TENM3: variants seen among roughly 807,000 people sequenced by gnomAD.
TENM3 encodes the protein teneurin transmembrane protein 3.
A neutral mutation model predicts 255.1 loss-of-function variants in TENM3; 63 were observed. The observed-to-expected ratio is 0.25, with a 90% CI of 0.20 to 0.30. TENM3 has a LOEUF of 0.30. Among genes scored for constraint, TENM3 ranks in the 10% least tolerant of loss-of-function variants. The pLI is 1.00. For missense variants in TENM3, 2,929 were observed against 3,461.1 expected, an observed-to-expected ratio of 0.85 and a Z score of 3.86; for synonymous variants, 1,306 against 1,322.3, an observed-to-expected ratio of 0.99 and a Z score of 0.27.
At chr4:182,270,595 T>C (rs1759550723) in intron 1 of TENM3, among the ~76,000 whole-genome samples, 1 of 152,138 alleles carries the variant, frequency 6.6e-6, no homozygotes, top group Non-Finnish European at 1.5e-5. Context: ...TGGCTCAGAG[T>C]GGCATCTGTT....
At chr4:182,725,787 C>T (rs920999962) in intron 13 of TENM3, among the ~76,000 whole-genome samples, 2 of 151,874 alleles carry the variant, frequency 1.3e-5, no homozygotes, top group African/African-American at 4.8e-5. Flanking sequence ...AGGCACCCAC[C>T]ACCACGCCCC....
the TENM3 span, among the ~76,000 whole-genome samples, chr4:181,504,957 G>A: frequency 1.3e-5 from 2 of 152,176 alleles, no homozygotes; most frequent in African/African-American, 4.8e-5. Context: ...GCCTGACAGA[G>A]CCTGCGACAC....
chr4:182,673,032 A>G lies in TENM3; in HGVS notation c.1139A>G (p.Asn380Ser), dbSNP rs1755351145. The change falls in exon 7 of 28, where the codon AAT becomes AGT. Residue 380 changes from asparagine (N) to serine (S), a missense_variant. Physicochemically the swap from Asn to Ser is conservative, Grantham distance 46. This residue lies in a region of TENM3 where 1,608 missense variants were observed against 1,884.4 expected (regional missense o/e 0.85). Transcript: ENST00000511685. Reference sequence around the variant, plus strand: ...AAATTAGGTGGATTTACGCAAGAAAATAACACCATAGATTCCGGAGAACTT... The same window carrying G: ...AAATTAGGTGGATTTACGCAAGAAAGTAACACCATAGATTCCGGAGAACTT... ...NGKLGGFTQE[N>S]NTIDSGELDI... 2 of 1,597,802 alleles carry G rather than the reference A, an allele frequency of 1.3e-6. No individual in the cohort carries two copies. Among genetic ancestry groups the G allele is most frequent in the South Asian group, 2.3e-5 (2 of 88,686 alleles).
At chr4:182,066,581 G>C in the TENM3 span, among the ~76,000 whole-genome samples, 1 of 70,174 alleles carries the variant, frequency 1.4e-5, no homozygotes, top group African/African-American at 4.4e-5. Flanking sequence ...CTTAAAGTAA[G>C]AATTATGGTA....
Position 182,677,550 on chromosome 4 carries a change from C to T in TENM3, c.1327-2116C>T, listed in dbSNP as rs1265353693. Among the ~76,000 whole-genome samples, 5 of 152,206 alleles carry T rather than the reference C, an allele frequency of 3.3e-5. No homozygotes were observed. The East Asian group carries it at 9.6e-4, about 29-fold the overall frequency. ...GAATGGCTTATTTGAGACAGAGTCA[C>T]CATTCAAAACTGCTGAATTAATTTT... On this transcript the variant is annotated intron_variant, in intron 7 of 27. Coordinates refer to ENST00000511685, the MANE Select transcript of TENM3 (RefSeq NM_001080477.4).
Position 182,607,561 on chromosome 4 carries a change from C to T in TENM3, c.749+6400C>T, listed in dbSNP as rs144634324. ...AAAGCCTTCATAGATGCATTGTCTT[C>T]ACATCACTCAGAAGTGAGACCCCAG... is the stretch of plus-strand genomic sequence containing the variant. On this transcript the variant is annotated intron_variant, in intron 4 of 27. Transcript: ENST00000511685. Among the ~76,000 whole-genome samples the T allele has an allele frequency of 8.8e-4, 134 of 152,250 alleles. 3 individuals are homozygous for T. In the East Asian group the frequency reaches 0.013, roughly 14 times the overall value.
At chr4:182,529,995 C>G (rs1739611272) in intron 3 of TENM3, among the ~76,000 whole-genome samples, 1 of 152,132 alleles carries the variant, frequency 6.6e-6, no homozygotes, top group South Asian at 2.1e-4. Context: ...AGCGAGGTAT[C>G]TTGATACCAA....
the TENM3 span, among the ~76,000 whole-genome samples, chr4:182,084,198 G>T: frequency 6.6e-6 from 1 of 152,020 alleles, no homozygotes; most frequent in East Asian, 1.9e-4. Context: ...TTGCTGGGGG[G>T]AAAAAATAAG....
chr4:182,770,031 A>C (rs983253764), intron 22 of TENM3, among the ~76,000 whole-genome samples: 19 of 143,582 alleles, frequency 1.3e-4, no homozygotes, highest in African/African-American at 4.7e-4. Context: ...GCTTGAACCC[A>C]GGAGGCGGAG....
the TENM3 span, among the ~76,000 whole-genome samples, chr4:182,086,485 G>A: frequency 6.6e-6 from 1 of 152,208 alleles, no homozygotes; most frequent in African/African-American, 2.4e-5. Context: ...AATATTAGAT[G>A]AGAAAATGGG....
intron 4 of TENM3, among the ~76,000 whole-genome samples, chr4:182,615,302 A>G (rs1407788831): frequency 1.3e-5 from 2 of 152,038 alleles, no homozygotes; most frequent in Non-Finnish European, 2.9e-5. Context: ...ATATATAAAA[A>G]CTACCCCAGC....
At chr4:181,599,183 C>A in the TENM3 span, among the ~76,000 whole-genome samples, 1 of 152,148 alleles carries the variant, frequency 6.6e-6, no homozygotes, top group Non-Finnish European at 1.5e-5. Context: ...AATAAAGGAA[C>A]CACATTGAGC....
intron 1 of TENM3, among the ~76,000 whole-genome samples, chr4:182,196,831 A>ACCAAAAC (rs1160496333): frequency 2.0e-5 from 3 of 152,214 alleles, no homozygotes; most frequent in African/African-American, 7.2e-5. Context: ...ACATCTCCGT[A>ACCAAAAC]CCAAAACCCA....
the TENM3 span, among the ~76,000 whole-genome samples, chr4:181,494,479 T>C: frequency 6.6e-6 from 1 of 152,230 alleles, no homozygotes; most frequent in East Asian, 1.9e-4. Context: ...AGAGATGGGG[T>C]TTCACTATGT....
At chr4:181,777,887 C>T in the TENM3 span, among the ~76,000 whole-genome samples, 2 of 152,214 alleles carry the variant, frequency 1.3e-5, no homozygotes, top group East Asian at 3.9e-4. Context: ...GTAGCTGAGA[C>T]AGAATCTCAT....
At chr4:182,714,773 T>G (rs1378144755) in intron 13 of TENM3, among the ~76,000 whole-genome samples, 1 of 152,242 alleles carries the variant, frequency 6.6e-6, no homozygotes, top group East Asian at 1.9e-4. Context: ...GAATAATTAT[T>G]TTCACCGTTG....
At chr4:182,794,363 T>G (rs1175454581) in intron 26 of TENM3, among the ~76,000 whole-genome samples, 1 of 152,246 alleles carries the variant, frequency 6.6e-6, no homozygotes, top group Non-Finnish European at 1.5e-5. Context: ...ACCTTACGAA[T>G]GTGTCATGTT....
the TENM3 span, among the ~76,000 whole-genome samples, chr4:181,561,589 A>G: frequency 6.6e-6 from 1 of 152,194 alleles, no homozygotes; most frequent in South Asian, 2.1e-4. Flanking sequence ...CACTTAGTAG[A>G]ACTTTACACT....
At chr4:182,232,017 A>G (rs924596616) in intron 1 of TENM3, among the ~76,000 whole-genome samples, 5 of 152,204 alleles carry the variant, frequency 3.3e-5, no homozygotes, top group Non-Finnish European at 5.9e-5. Context: ...CCTGCTAACT[A>G]GAGGTACAAT....
Sources: gnomAD v4.1 joint callset for allele counts (sites outside exome capture counted in the v4.1 genomes callset) on GRCh38, gnomAD v4.1.1 for gene constraint, gnomAD v4.1.1 regional missense constraint, MANE v1.5 for transcripts, NCBI Gene and HGNC (gene_info 2026-07-23, HGNC 2026-07-21) for gene names.